Variants in TPI1 observed in about 807,000 individuals in gnomAD.
TPI1 encodes triosephosphate isomerase.
A neutral mutation model predicts 31.0 loss-of-function variants in TPI1; 11 were observed. The observed-to-expected ratio is 0.36, with a 90% confidence interval of 0.22 to 0.59. The LOEUF (loss-of-function observed/expected upper bound fraction) is 0.59, where lower values mean the gene tolerates loss of function less well. TPI1 is among the 20% of genes least tolerant of loss of function. The probability of loss-of-function intolerance (pLI) is 0.79; values close to 1 mark genes in which losing one functional copy is unlikely to be tolerated. For synonymous variants in TPI1, 121 were observed against 122.8 expected (o/e 0.99, Z 0.10); for missense variants, 245 against 319.7 (o/e 0.77, Z 1.78).
Position 6,868,864 on chromosome 12 carries a change from A to G in TPI1, c.116A>G (p.Glu39Gly). 3 of 1,612,426 alleles carry G rather than the reference A, an allele frequency of 1.9e-6. No homozygotes were observed. The highest frequency in any genetic ancestry group is 2.5e-6 in the Non-Finnish European group (3 of 1,179,636). The change falls in exon 2 of 7, where the codon GAG becomes GGG. Residue 39 changes from glutamate (E) to glycine (G), a missense_variant and splice_region_variant. Glu to Gly is a moderately conservative substitution (Grantham distance 98). Around this residue, in one of 3 missense-constraint regions of TPI1, gnomAD observed 95 missense variants for 96.4 expected, o/e 0.99. Transcript: ENST00000396705. The stretch of plus-strand genomic sequence containing the variant: ...CCCTGTGGTACCATCTTGTCCTCAG[A>G]GGTGGTTTGTGCTCCCCCTACTGCC... The part of the protein sequence containing the change: ...LNAAKVPADT[E>G]VVCAPPTAYI...
In TPI1 at chr12:6,868,644, C is replaced by T; in HGVS notation, c.116-220C>T. On this transcript the variant is annotated intron_variant, in intron 1 of 6. Coordinates refer to ENST00000396705, the MANE Select transcript of TPI1 (RefSeq NM_000365.6). The stretch of plus-strand genomic sequence containing the variant: ...AAAAGAGCAGAGGGCAGGGTGAGGG[C>T]CGTGGCCTCTCAGGGGTATCTGGAA... 3.7e-6 allele frequency: 5 copies of T among 1,338,006 alleles called. No homozygotes were observed. In the South Asian group the frequency reaches 5.6e-5, roughly 15 times the overall value. The allele number at this position is 1,338,006 out of a possible 1,614,324, so 82.9% of individuals were successfully genotyped here. A position where few individuals can be genotyped will look rare whatever the true frequency, so the allele number is the denominator to read the frequency against.
chr12:6,869,804 C>G, intron 5 of TPI1, 31 bp downstream of exon 5: 1 of 1,611,098 alleles, frequency 6.2e-7, no homozygotes, highest in Admixed American at 1.7e-5. Flanking sequence ...TGCCCTCATC[C>G]CAGCCTGCCT....
At chr12:6,868,248 A>G (rs1555131838) in intron 1 of TPI1, 1 of 1,287,472 alleles carries the variant, frequency 7.8e-7, no homozygotes, top group East Asian at 5.5e-5. Flanking sequence ...AGGCTGAGCG[A>G]TTTGGGAGTG....
At chr12:6,867,973 C>A in intron 1 of TPI1, 1 of 985,780 alleles carries the variant, frequency 1.0e-6, no homozygotes, top group Non-Finnish European at 1.4e-6. Context: ...GGGGCTGTGC[C>A]CGCCAGGCGA....
In TPI1 at chr12:6,867,959, C is replaced by T. The variant is rs535224067; in HGVS notation, c.115+278C>T. On this transcript the variant is annotated intron_variant, in intron 1 of 6. Coordinates refer to ENST00000396705, the MANE Select transcript of TPI1 (RefSeq NM_000365.6). ...TGGAGGAAGGTGGCCCCGGGGCGCGCACTGGGGCTGTGCCCGCCAGGCGAC... is the reference window on the plus strand; with the variant it reads ...TGGAGGAAGGTGGCCCCGGGGCGCGTACTGGGGCTGTGCCCGCCAGGCGAC... 236 of 854,046 alleles carry T rather than the reference C, an allele frequency of 2.8e-4. 3 individuals carry two copies. In the South Asian group the frequency reaches 4.6e-3, roughly 17 times the overall value. The allele number at this position is 854,046 out of a possible 1,614,324, so 52.9% of individuals were successfully genotyped here. A position where few individuals can be genotyped will look rare whatever the true frequency, so the allele number is the denominator to read the frequency against.
chr12:6,867,501 T>C (rs781835924), upstream of TPI1: 9 of 1,573,108 alleles, frequency 5.7e-6, no homozygotes, highest in Non-Finnish European at 7.8e-6. Context: ...CGCGGCGCTC[T>C]ATATAAGTGG....
In TPI1 at chr12:6,870,121, CG is replaced by C; in HGVS notation, c.617del (p.Arg206LeufsTer8). 6.2e-7 allele frequency: 1 copy of C among 1,614,070 alleles called. No individual in the cohort carries two copies. Among genetic ancestry groups the C allele is most frequent in the Non-Finnish European group, 8.5e-7 (1 of 1,179,966 alleles). On this transcript the variant is annotated frameshift_variant, in exon 6 of 7. Transcript: ENST00000396705. LOFTEE classifies it high-confidence loss of function. ...NVSDAVAQSTRIIYGGSVTGA... is the reference protein window; with the variant it reads ...NVSDAVAQSTXIIYGGSVTGA... ...CTCTGATGCGGTGGCTCAGAGCACC[CG>C]TATCATTTATGGAGGTGAGTGGCTT... is the stretch of plus-strand genomic sequence containing the variant.
Position 6,869,087 on chromosome 12 carries a change from C to G in TPI1, c.240-12C>G. ...GCTCCCTGCTGAACCTTGGCTTCAT[C>G]TCTTCCTTTAGCCCTGGCATGATCA... is the stretch of plus-strand genomic sequence containing the variant. On this transcript the variant is annotated splice_polypyrimidine_tract_variant and intron_variant, in intron 2 of 6. Transcript: ENST00000396705. 1 of 1,614,208 alleles carries G rather than the reference C, an allele frequency of 6.2e-7. No individual in the cohort carries two copies. Among genetic ancestry groups the G allele is most frequent in the Non-Finnish European group, 8.5e-7 (1 of 1,180,044 alleles).
chr12:6,868,795 T>G lies in TPI1; in HGVS notation c.116-69T>G, dbSNP rs1303432143. 2.6e-6 allele frequency: 4 copies of G among 1,564,020 alleles called. No individual in the cohort carries two copies. In the African/African-American group the frequency reaches 5.4e-5, roughly 21 times the overall value. ...TGAGGGCTGGGGGGCTCCAGGGCAC[T>G]GGTTAGGAATTGTGGGGAATGAAGG... On this transcript the variant is annotated intron_variant, in intron 1 of 6. Transcript: ENST00000396705.
chr12:6,870,023 T>TA, intron 5 of TPI1, 26 bp from the exon 6 acceptor site: 1 of 1,613,786 alleles, frequency 6.2e-7, no homozygotes, highest in Non-Finnish European at 8.5e-7. Context: ...AGAAAAGGTC[T>TA]TACTTAGGCC....
At chr12:6,869,921 G>C (rs1944549463) in intron 5 of TPI1, 128 bp from the exon 6 acceptor site, 2 of 1,377,420 alleles carry the variant, frequency 1.5e-6, no homozygotes, top group Non-Finnish European at 2.1e-6. Flanking sequence ...CCAGTCCAGG[G>C]CCTGGCTTGG....
In TPI1 at chr12:6,870,089, C is replaced by T. The variant is rs147386979; in HGVS notation, c.584C>T (p.Ser195Phe). Residue 195 changes from serine (S) to phenylalanine (F), a missense_variant, in exon 6 of 7, where the codon TCC (serine) becomes TTC (phenylalanine). Around this residue, in one of 3 missense-constraint regions of TPI1, gnomAD observed 127 missense variants for 163.7 expected, o/e 0.78. Transcript: ENST00000396705. ...VHEKLRGWLK[S>F]NVSDAVAQST... ...GAGAAGCTCCGAGGATGGCTGAAGTCCAACGTCTCTGATGCGGTGGCTCAG... is the reference window on the plus strand; with the variant it reads ...GAGAAGCTCCGAGGATGGCTGAAGTTCAACGTCTCTGATGCGGTGGCTCAG... The T allele has an allele frequency of 6.2e-7, 1 of 1,614,094 alleles. No individual in the cohort carries two copies. Among genetic ancestry groups the T allele is most frequent in the African/African-American group, 1.3e-5 (1 of 74,924 alleles).
chr12:6,869,404 A>G lies in TPI1; in HGVS notation c.457+14A>G. The G allele has an allele frequency of 1.2e-6, 2 of 1,613,972 alleles. No homozygotes were observed. Among genetic ancestry groups the G allele is most frequent in the Non-Finnish European group, 1.7e-6 (2 of 1,179,986 alleles). ...AGGTCATCGCAGGTATCTCTGGAGA[A>G]AGGGACCTTTGAGCCTATCCAGGGC... On this transcript the variant is annotated intron_variant, in intron 4 of 6. Transcript: ENST00000396705.
chr12:6,869,668 T>C lies in TPI1; in HGVS notation c.458-20T>C, dbSNP rs1555132343. 3 of 1,613,852 alleles carry C rather than the reference T, an allele frequency of 1.9e-6. No homozygotes were observed. The Admixed American group carries it at 5.0e-5, about 27-fold the overall frequency. On this transcript the variant is annotated intron_variant, in intron 4 of 6. Coordinates refer to ENST00000396705, the MANE Select transcript of TPI1 (RefSeq NM_000365.6). Reference sequence around the variant, plus strand: ...TCTTTCTTGTTCACCCTTCCCTCCATCTGTATCTCTGCCCTGCAGATAACG... The same window carrying C: ...TCTTTCTTGTTCACCCTTCCCTCCACCTGTATCTCTGCCCTGCAGATAACG...
intron 1 of TPI1, chr12:6,868,055 CTGCGCCCTGGCCTCCCGCGCCG>C (rs1174213761): frequency 2.9e-4 from 362 of 1,229,150 alleles, no homozygotes; most frequent in Middle Eastern, 1.8e-3. Context: ...TTCCCGCTCC[CTGCGCCCTGGCCTCCCGCGCCG>C]TGCGCCGCCG....
chr12:6,867,970 T>G, intron 1 of TPI1: 1 of 946,566 alleles, frequency 1.1e-6, no homozygotes, highest in Non-Finnish European at 1.4e-6. Context: ...ACTGGGGCTG[T>G]GCCCGCCAGG....
chr12:6,868,486 A>G, intron 1 of TPI1: 1 of 1,285,154 alleles, frequency 7.8e-7, no homozygotes, highest in Non-Finnish European at 1.0e-6. Flanking sequence ...CTTTTGCTAC[A>G]AATCCTTGCC....
At chr12:6,867,749 TCTCCC>T in intron 1 of TPI1, 68 bp downstream of exon 1, 2 of 1,446,658 alleles carry the variant, frequency 1.4e-6, no homozygotes, top group Admixed American at 5.3e-5. Context: ...GGCAGCGCCC[TCTCCC>T]GAGGCCCCGA....
Position 6,868,412 on chromosome 12 carries a change from AG to A in TPI1, c.116-450del, listed in dbSNP as rs531936696. On this transcript the variant is annotated intron_variant, in intron 1 of 6. Transcript: ENST00000396705. The stretch of plus-strand genomic sequence containing the variant: ...GGAGAGCCGCGGGCCTGATCCAAAG[AG>A]GCATCCCCTTCTCGTTCATTCCCCA... The A allele has an allele frequency of 4.3e-4, 560 of 1,288,758 alleles. 2 individuals carry two copies. In the African/African-American group the frequency reaches 6.5e-3, roughly 15 times the overall value. 79.8% of individuals were successfully genotyped at this position (1,288,758 alleles called of 1,614,324 possible).
Sources: gnomAD v4.1 joint callset for allele counts on GRCh38, gnomAD v4.1.1 for gene constraint, gnomAD v4.1.1 regional missense constraint, MANE v1.5 for transcripts, NCBI Gene and HGNC (gene_info 2026-07-23, HGNC 2026-07-21) for gene names.